Variants in MARCHF11 observed in about 807,000 individuals in gnomAD.
The protein encoded by MARCHF11 is E3 ubiquitin-protein ligase MARCHF11.
MARCHF11 carries 29 observed loss-of-function variants against 37.3 expected under a neutral mutation model. That is an observed-to-expected ratio of 0.78 (90% CI 0.58 to 1.06). The LOEUF is 1.06. Ranked by LOEUF, MARCHF11 falls within the 50% of genes least tolerant of loss-of-function variation. The pLI is 0.00. For missense variants in MARCHF11, 482 were observed against 533.4 expected, an observed-to-expected ratio of 0.90 and a Z score of 0.95; for synonymous variants, 233 against 228.0, an observed-to-expected ratio of 1.02 and a Z score of -0.20.
intron 2 of MARCHF11, among the ~76,000 whole-genome samples, chr5:16,110,289 G>A (rs1392328711): frequency 6.6e-6 from 1 of 152,078 alleles, no homozygotes; most frequent in Non-Finnish European, 1.5e-5. Flanking sequence ...ATAATGCAAA[G>A]AGTTTTGGGT....
intron 2 of MARCHF11, among the ~76,000 whole-genome samples, chr5:16,104,897 T>C (rs936207704): frequency 6.7e-6 from 1 of 150,002 alleles, no homozygotes; most frequent in Non-Finnish European, 1.5e-5. Flanking sequence ...CATAAGGTTA[T>C]GGTAAGGACT....
chr5:16,103,107 G>A (rs1265434278), intron 2 of MARCHF11, among the ~76,000 whole-genome samples: 1 of 138,956 alleles, frequency 7.2e-6, no homozygotes, highest in African/African-American at 2.6e-5. Flanking sequence ...TCACTGCCCA[G>A]GCAGAAAAAA....
At chr5:16,104,928 C>G (rs1189429988) in intron 2 of MARCHF11, among the ~76,000 whole-genome samples, 1 of 152,226 alleles carries the variant, frequency 6.6e-6, no homozygotes, top group Non-Finnish European at 1.5e-5. Flanking sequence ...CACACACACA[C>G]ACACACACAC....
intron 2 of MARCHF11, among the ~76,000 whole-genome samples, chr5:16,153,137 C>T (rs1234850388): frequency 1.3e-5 from 2 of 151,836 alleles, no homozygotes; most frequent in Non-Finnish European, 2.9e-5. Flanking sequence ...CATGGACATT[C>T]CAAGAGGGAG....
At chr5:16,135,540 AG>A (rs1324903659) in intron 2 of MARCHF11, among the ~76,000 whole-genome samples, 2 of 152,316 alleles carry the variant, frequency 1.3e-5, no homozygotes, top group Non-Finnish European at 2.9e-5. Context: ...TTAAAAAGAA[AG>A]GCTCAAAGAA....
chr5:16,165,612 G>A (rs976771338), intron 2 of MARCHF11, among the ~76,000 whole-genome samples: 4 of 152,000 alleles, frequency 2.6e-5, no homozygotes, highest in African/African-American at 7.2e-5. Flanking sequence ...ATTTGGTTTT[G>A]TCTGATGTTT....
intron 2 of MARCHF11, among the ~76,000 whole-genome samples, chr5:16,093,585 A>T (rs1736818741): frequency 6.6e-6 from 1 of 152,182 alleles, no homozygotes; most frequent in Admixed American, 6.5e-5. Context: ...TGCTTCTGAC[A>T]CATGAGGTGT....
At chr5:16,144,837 G>T (rs1455714967) in intron 2 of MARCHF11, among the ~76,000 whole-genome samples, 1 of 152,198 alleles carries the variant, frequency 6.6e-6, no homozygotes, top group Non-Finnish European at 1.5e-5. Flanking sequence ...AGGAACGTGG[G>T]GATAGCTAAC....
At chr5:16,174,781 C>G (rs1738328587) in intron 2 of MARCHF11, among the ~76,000 whole-genome samples, 1 of 152,096 alleles carries the variant, frequency 6.6e-6, no homozygotes. Flanking sequence ...GAGACCAGGT[C>G]AGGAAGGCAT....
intron 3 of MARCHF11, among the ~76,000 whole-genome samples, chr5:16,088,803 C>T (rs1452660379): frequency 1.3e-5 from 2 of 151,852 alleles, no homozygotes; most frequent in Non-Finnish European, 2.9e-5. Flanking sequence ...ATTTGATGAG[C>T]CAAAACACAA....
At chr5:16,086,063 C>T (rs1736693885) in intron 3 of MARCHF11, among the ~76,000 whole-genome samples, 1 of 151,044 alleles carries the variant, frequency 6.6e-6, no homozygotes, top group African/African-American at 2.4e-5. Flanking sequence ...ACAGCATGGT[C>T]CCTAAAGGCA....
chr5:16,125,428 C>T (rs986905844), intron 2 of MARCHF11, among the ~76,000 whole-genome samples: 1 of 152,016 alleles, frequency 6.6e-6, no homozygotes, highest in African/African-American at 2.4e-5. Context: ...ATAAAGAGTC[C>T]CCAAAATGGC....
At chr5:16,108,070 A>G (rs1364297028) in intron 2 of MARCHF11, among the ~76,000 whole-genome samples, 1 of 152,234 alleles carries the variant, frequency 6.6e-6, no homozygotes, top group Non-Finnish European at 1.5e-5. Context: ...TGCCCTTGTG[A>G]AAAGGCAGAG....
intron 2 of MARCHF11, among the ~76,000 whole-genome samples, chr5:16,098,678 G>A (rs1419769526): frequency 6.6e-6 from 1 of 151,684 alleles, no homozygotes; most frequent in Non-Finnish European, 1.5e-5. Flanking sequence ...TGAGGCAGGA[G>A]AATCGCTTGA....
intron 2 of MARCHF11, among the ~76,000 whole-genome samples, chr5:16,099,377 T>TATTATAATG (rs1295779163): frequency 3.3e-5 from 5 of 152,196 alleles, no homozygotes; most frequent in Non-Finnish European, 5.9e-5. Flanking sequence ...AAAGGGTTCC[T>TATTATAATG]CAACTGTTTA....
At chr5:16,142,283 A>T (rs1560987454) in intron 2 of MARCHF11, among the ~76,000 whole-genome samples, 1 of 152,224 alleles carries the variant, frequency 6.6e-6, no homozygotes. Flanking sequence ...ACTCACAATC[A>T]TGATACGGTT....
chr5:16,129,830 G>A (rs1231282715), intron 2 of MARCHF11, among the ~76,000 whole-genome samples: 1 of 152,036 alleles, frequency 6.6e-6, no homozygotes, highest in African/African-American at 2.4e-5. Flanking sequence ...TATGACATCT[G>A]GACCAACTTA....
intron 2 of MARCHF11, chr5:16,141,019 G>A (rs1737693236): frequency 6.6e-6 from 1 of 152,354 alleles, no homozygotes; most frequent in African/African-American, 2.4e-5. Context: ...AAGTAATGCT[G>A]AGGTCAAGCA....
chr5:16,170,807 TA>T (rs1738250144), intron 2 of MARCHF11, among the ~76,000 whole-genome samples: 1 of 152,080 alleles, frequency 6.6e-6, no homozygotes, highest in South Asian at 2.1e-4. Flanking sequence ...CTAAGCAAAT[TA>T]AAATAATCTC....
Sources: gnomAD v4.1 joint callset for allele counts (sites outside exome capture counted in the v4.1 genomes callset) on GRCh38, gnomAD v4.1.1 for gene constraint, MANE v1.5 for transcripts, NCBI Gene and HGNC (gene_info 2026-07-23, HGNC 2026-07-21) for gene names.